DLC1: variants seen among roughly 807,000 people sequenced by gnomAD.
DLC1 encodes the protein rho GTPase-activating protein 7.
Under a neutral mutation model 140.3 loss-of-function variants are expected in DLC1, and 54 were observed. The observed-to-expected ratio is 0.38, with a 90% CI of 0.31 to 0.48. DLC1 has a LOEUF of 0.48. DLC1 is among the 20% of genes least tolerant of loss of function. The probability of loss-of-function intolerance (pLI) is 0.96; values close to 1 mark genes in which losing one functional copy is unlikely to be tolerated. For missense variants in DLC1, 2,536 were observed against 1,907.0 expected, an observed-to-expected ratio of 1.33 and a Z score of -6.14; for synonymous variants, 986 against 728.1, an observed-to-expected ratio of 1.35 and a Z score of -5.70.
intron 1 of DLC1, among the ~76,000 whole-genome samples, chr8:13,501,244 A>T (rs1482046032): frequency 1.3e-5 from 2 of 152,202 alleles, no homozygotes; most frequent in Non-Finnish European, 2.9e-5. Context: ...CAAGAAAATC[A>T]TGCATAAGAC....
At chr8:13,401,204 C>T (rs1174694321) in intron 3 of DLC1, among the ~76,000 whole-genome samples, 1 of 152,286 alleles carries the variant, frequency 6.6e-6, no homozygotes, top group East Asian at 1.9e-4. Context: ...TCACTACAAA[C>T]CATAATTTCC....
intron 5 of DLC1, among the ~76,000 whole-genome samples, chr8:13,179,211 C>A (rs186631848): frequency 6.6e-6 from 1 of 150,610 alleles, no homozygotes; most frequent in African/African-American, 2.5e-5. Flanking sequence ...GAAAGCAGAA[C>A]GAATCTCTTC....
At chr8:13,316,987 G>T (rs945689738) in intron 4 of DLC1, among the ~76,000 whole-genome samples, 1 of 151,338 alleles carries the variant, frequency 6.6e-6, no homozygotes, top group African/African-American at 2.4e-5. Context: ...TCTCTCCCCA[G>T]TCTCTTCCTA....
intron 3 of DLC1, among the ~76,000 whole-genome samples, chr8:13,394,659 T>A (rs1216137624): frequency 6.6e-6 from 1 of 152,136 alleles, no homozygotes; most frequent in Non-Finnish European, 1.5e-5. Context: ...TCTTTATACA[T>A]CTCAACTTTG....
At chr8:13,239,341 G>C (rs1005713701) in intron 5 of DLC1, among the ~76,000 whole-genome samples, 3 of 151,868 alleles carry the variant, frequency 2.0e-5, no homozygotes, top group African/African-American at 7.3e-5. Flanking sequence ...ACACAAAGAT[G>C]GGAATTGCTA....
intron 5 of DLC1, among the ~76,000 whole-genome samples, chr8:13,193,422 G>C (rs1018107526): frequency 6.6e-6 from 1 of 152,010 alleles, no homozygotes. Context: ...TTCTAAAGTA[G>C]GACTTAGTAG....
intron 7 of DLC1, among the ~76,000 whole-genome samples, chr8:13,106,247 G>T (rs1354900877): frequency 1.3e-5 from 2 of 152,214 alleles, no homozygotes; most frequent in Non-Finnish European, 2.9e-5. Context: ...GGAGAAGGGG[G>T]AAAGATACAA....
At chr8:13,176,728 A>G (rs1825780178) in intron 5 of DLC1, among the ~76,000 whole-genome samples, 1 of 152,226 alleles carries the variant, frequency 6.6e-6, no homozygotes, top group Non-Finnish European at 1.5e-5. Context: ...TTACACGGCA[A>G]TGAAGAATGA....
intron 5 of DLC1, among the ~76,000 whole-genome samples, chr8:13,118,548 C>A (rs1820769560): frequency 6.6e-6 from 1 of 152,164 alleles, no homozygotes; most frequent in Admixed American, 6.5e-5. Flanking sequence ...TAACCCACTG[C>A]TTTGTAGAAA....
chr8:13,569,737 A>G (rs1333534818), intron 1 of DLC1, among the ~76,000 whole-genome samples: 1 of 152,158 alleles, frequency 6.6e-6, no homozygotes, highest in Non-Finnish European at 1.5e-5. Context: ...CTTATTTATT[A>G]TTGAGACAGG....
chr8:13,167,597 C>A (rs751541974), intron 5 of DLC1, among the ~76,000 whole-genome samples: 1 of 152,130 alleles, frequency 6.6e-6, no homozygotes. Context: ...CCGGAAAGAG[C>A]ACAGCCTTGC....
chr8:13,264,715 G>C lies in DLC1; in HGVS notation c.1348+40554C>G, dbSNP rs958876435. Among the ~76,000 whole-genome samples the C allele has an allele frequency of 2.7e-4, 41 of 152,118 alleles. 1 individual carries two copies. Among genetic ancestry groups the C allele is most frequent in the Non-Finnish European group, 8.8e-5 (6 of 68,034 alleles). ...GAATCTTGGATGTTTAAAATATTTA[G>C]TAAAATAATCTTGGTATTAGTTAAT... On this transcript the variant is annotated intron_variant, in intron 5 of 17. Transcript: ENST00000276297.
At chr8:13,299,381 G>C (rs1832091367) in intron 5 of DLC1, among the ~76,000 whole-genome samples, 1 of 151,178 alleles carries the variant, frequency 6.6e-6, no homozygotes, top group African/African-American at 2.4e-5. Context: ...CCAGGAGTTG[G>C]AGGTTGCAGT....
At chr8:13,463,833 G>C (rs986837530) in intron 2 of DLC1, among the ~76,000 whole-genome samples, 13 of 152,052 alleles carry the variant, frequency 8.5e-5, no homozygotes, top group Admixed American at 5.2e-4. Context: ...AGGACCATCT[G>C]GGGAGAGAGT....
Position 13,391,454 on chromosome 8 carries a change from A to G in DLC1, c.1314+2099T>C, listed in dbSNP as rs373125747. 2.6e-5 allele frequency among the ~76,000 whole-genome samples: 4 copies of G among 152,310 alleles called. No individual in the cohort carries two copies. The East Asian group carries it at 7.7e-4, about 29-fold the overall frequency. On this transcript the variant is annotated intron_variant, in intron 4 of 17. Coordinates refer to ENST00000276297, the MANE Select transcript of DLC1 (RefSeq NM_182643.3). ...GTACATACAAATATTTTTCTGTTCA[A>G]TAATTGATTTAAATATTTCTTAATT...
rs1381563518 is a variant in DLC1, at chr8:13,526,394, G to A, written c.-125-26198C>T. Among the ~76,000 whole-genome samples, 5 of 152,182 alleles carry A rather than the reference G, an allele frequency of 3.3e-5. No individual in the cohort carries two copies. In the East Asian group the frequency reaches 9.6e-4, roughly 29 times the overall value. Reference sequence around the variant, plus strand: ...CAATTTATTATTTGGATCAATTGCAGGAAAACTGACATCTTGATAATATTG... The same window carrying A: ...CAATTTATTATTTGGATCAATTGCAAGAAAACTGACATCTTGATAATATTG... On this transcript the variant is annotated intron_variant, in intron 1 of 1. Coordinates refer to the DLC1 transcript ENST00000631382.
intron 1 of DLC1, among the ~76,000 whole-genome samples, chr8:13,530,024 G>T (rs752832810): frequency 2.0e-5 from 3 of 152,168 alleles, no homozygotes; most frequent in Non-Finnish European, 4.4e-5. Flanking sequence ...TGCGAAGAGG[G>T]TTGGAGGAAA....
At chr8:13,545,639 AT>A (rs1304242455) in intron 1 of DLC1, among the ~76,000 whole-genome samples, 1 of 152,138 alleles carries the variant, frequency 6.6e-6, no homozygotes, top group Non-Finnish European at 1.5e-5. Flanking sequence ...TAAAGAGAAC[AT>A]TTAGCCAGAT....
chr8:13,278,105 G>A (rs532960834), intron 5 of DLC1, among the ~76,000 whole-genome samples: 1 of 152,328 alleles, frequency 6.6e-6, no homozygotes, highest in South Asian at 2.1e-4. Flanking sequence ...GTCCCCCATT[G>A]AGCATGTACT....
Sources: gnomAD v4.1 joint callset for allele counts (sites outside exome capture counted in the v4.1 genomes callset) on GRCh38, gnomAD v4.1.1 for gene constraint, MANE v1.5 for transcripts, NCBI Gene and HGNC (gene_info 2026-07-23, HGNC 2026-07-21) for gene names.